Variants in HS6ST3 observed in about 807,000 individuals in gnomAD.
The protein encoded by HS6ST3 is heparan sulfate 6-O-sulfotransferase 3, also known as heparan-sulfate 6-O-sulfotransferase 3.
In HS6ST3, 12 loss-of-function variants were observed where a neutral mutation model predicts 36.7. That is an observed-to-expected ratio of 0.33 (90% CI 0.21 to 0.53). The LOEUF (loss-of-function observed/expected upper bound fraction) is 0.53, where lower values mean the gene tolerates loss of function less well. Ranked by LOEUF, HS6ST3 falls within the 20% of genes least tolerant of loss-of-function variation. HS6ST3 has a pLI of 0.95. For missense variants in HS6ST3, 584 were observed against 640.9 expected, an observed-to-expected ratio of 0.91 and a Z score of 0.96; for synonymous variants, 240 against 257.5, an observed-to-expected ratio of 0.93 and a Z score of 0.65.
chr13:96,216,595 A>G (rs1180635245), intron 1 of HS6ST3, among the ~76,000 whole-genome samples: 1 of 152,174 alleles, frequency 6.6e-6, no homozygotes, highest in Non-Finnish European at 1.5e-5. Context: ...GTGTCATCAT[A>G]TATACTTCAG....
Position 96,485,367 on chromosome 13 carries a change from T to G in HS6ST3, c.708-347123T>G, listed in dbSNP as rs59094506. Among the ~76,000 whole-genome samples the G allele has an allele frequency of 8.3e-3, 1,263 of 152,242 alleles. 20 individuals are homozygous for G. Among genetic ancestry groups the G allele is most frequent in the African/African-American group, 0.029 (1,219 of 41,558 alleles). On this transcript the variant is annotated intron_variant, in intron 1 of 1. Coordinates refer to ENST00000376705, the MANE Select transcript of HS6ST3 (RefSeq NM_153456.4). Reference sequence around the variant, plus strand: ...TGCTAAGGTAAATAGTATTGTGTTTTCAATGTCAAATTCCACTTGTTCCAT... The same window carrying G: ...TGCTAAGGTAAATAGTATTGTGTTTGCAATGTCAAATTCCACTTGTTCCAT...
chr13:96,656,955 T>C (rs868855136), intron 1 of HS6ST3, among the ~76,000 whole-genome samples: 1 of 122,244 alleles, frequency 8.2e-6, no homozygotes, highest in Non-Finnish European at 1.7e-5. Context: ...GGCTTTTCTT[T>C]TGTGTGTGTG....
At chr13:96,684,775 A>G (rs924909339) in intron 1 of HS6ST3, among the ~76,000 whole-genome samples, 3 of 152,050 alleles carry the variant, frequency 2.0e-5, no homozygotes, top group African/African-American at 7.2e-5. Context: ...GCTAATTACA[A>G]TGCACTTCAC....
intron 1 of HS6ST3, among the ~76,000 whole-genome samples, chr13:96,464,987 T>TGTGTGC (rs1555306470): frequency 6.7e-6 from 1 of 149,370 alleles, no homozygotes; most frequent in Non-Finnish European, 1.5e-5. Flanking sequence ...TGTGTGTGTG[T>TGTGTGC]GCATGCCCAC....
intron 1 of HS6ST3, among the ~76,000 whole-genome samples, chr13:96,112,806 A>G (rs1346490133): frequency 6.6e-6 from 1 of 151,484 alleles, no homozygotes; most frequent in Non-Finnish European, 1.5e-5. Context: ...AGTGAAGACA[A>G]CATAACTTAA....
At chr13:96,184,011 G>A (rs561196327) in intron 1 of HS6ST3, among the ~76,000 whole-genome samples, 12 of 151,912 alleles carry the variant, frequency 7.9e-5, no homozygotes, top group African/African-American at 2.7e-4. Flanking sequence ...GACCATCCTG[G>A]CCAACATGGT....
At chr13:96,670,360 T>C (rs1191546344) in intron 1 of HS6ST3, among the ~76,000 whole-genome samples, 1 of 152,094 alleles carries the variant, frequency 6.6e-6, no homozygotes, top group African/African-American at 2.4e-5. Context: ...AAAGCAGGGC[T>C]AGTGAATATA....
chr13:96,443,426 A>G (rs1306277294), intron 1 of HS6ST3, among the ~76,000 whole-genome samples: 1 of 148,890 alleles, frequency 6.7e-6, no homozygotes, highest in Non-Finnish European at 1.5e-5. Context: ...GCTACTCGGG[A>G]GGCTCAGGCA....
At chr13:96,362,574 G>A (rs1203630271) in intron 1 of HS6ST3, among the ~76,000 whole-genome samples, 1 of 152,178 alleles carries the variant, frequency 6.6e-6, no homozygotes, top group Admixed American at 6.5e-5. Flanking sequence ...GTGCCTTGCT[G>A]TGTGAATCTC....
intron 1 of HS6ST3, among the ~76,000 whole-genome samples, chr13:96,097,136 T>C (rs1417568346): frequency 6.6e-6 from 1 of 152,154 alleles, no homozygotes; most frequent in East Asian, 1.9e-4. Context: ...AAGTGGTAAA[T>C]GGTAATAGAT....
chr13:96,142,273 G>A (rs2054035798), intron 1 of HS6ST3, among the ~76,000 whole-genome samples: 1 of 152,068 alleles, frequency 6.6e-6, no homozygotes, highest in Non-Finnish European at 1.5e-5. Flanking sequence ...ACAAAACAAA[G>A]TATTCTCTAA....
At chr13:96,453,665 C>T (rs1030632936) in intron 1 of HS6ST3, among the ~76,000 whole-genome samples, 1 of 152,126 alleles carries the variant, frequency 6.6e-6, no homozygotes, top group African/African-American at 2.4e-5. Context: ...ATTGAAGCTA[C>T]AAGCCATTTT....
At chr13:96,165,610 G>C (rs2054156592) in intron 1 of HS6ST3, among the ~76,000 whole-genome samples, 1 of 152,234 alleles carries the variant, frequency 6.6e-6, no homozygotes, top group South Asian at 2.1e-4. Context: ...AGCTGTGGCT[G>C]TGCTTCTGTT....
chr13:96,300,815 A>G (rs1409050518), intron 1 of HS6ST3, among the ~76,000 whole-genome samples: 1 of 152,202 alleles, frequency 6.6e-6, no homozygotes, highest in African/African-American at 2.4e-5. Context: ...ATTTACTTTG[A>G]AAGATGTTTA....
intron 1 of HS6ST3, among the ~76,000 whole-genome samples, chr13:96,735,310 G>A (rs1267921400): frequency 6.6e-6 from 1 of 152,040 alleles, no homozygotes; most frequent in Non-Finnish European, 1.5e-5. Flanking sequence ...GTTTTGCATG[G>A]GGATTCTGGG....
rs59680001 is a variant in HS6ST3 at position 96,504,015 on chromosome 13, C to T, written c.708-328475C>T. ...TCTCTCCTGTTTCTTCTTATAAGGA[C>T]ACTAATCCCATCTATGAGGGCTCCA... On this transcript the variant is annotated intron_variant, in intron 1 of 1. Transcript: ENST00000376705. 6.9e-3 allele frequency among the ~76,000 whole-genome samples: 1,045 copies of T among 152,234 alleles called. 15 individuals carry two copies. The highest frequency in any genetic ancestry group is 0.022 in the African/African-American group (926 of 41,544).
intron 1 of HS6ST3, among the ~76,000 whole-genome samples, chr13:96,570,039 C>T (rs1434726625): frequency 6.6e-6 from 1 of 152,154 alleles, no homozygotes; most frequent in Non-Finnish European, 1.5e-5. Flanking sequence ...AAAACTGAGA[C>T]ATTATTATTT....
Position 96,547,102 on chromosome 13 carries a change from T to C in HS6ST3, c.708-285388T>C, listed in dbSNP as rs528536532. On this transcript the variant is annotated intron_variant, in intron 1 of 1. Coordinates refer to ENST00000376705, the MANE Select transcript of HS6ST3 (RefSeq NM_153456.4). ...CCCTGGCAACAGTTGGGCTGTCTTATGCGAGTAAGTTGGTGAAAGCTAATA... is the reference window on the plus strand; with the variant it reads ...CCCTGGCAACAGTTGGGCTGTCTTACGCGAGTAAGTTGGTGAAAGCTAATA... 3.9e-5 allele frequency among the ~76,000 whole-genome samples: 6 copies of C among 152,322 alleles called. No homozygotes were observed. In the East Asian group the frequency reaches 1.2e-3, roughly 29 times the overall value.
intron 1 of HS6ST3, among the ~76,000 whole-genome samples, chr13:96,199,105 T>C (rs1271881125): frequency 6.6e-6 from 1 of 152,148 alleles, no homozygotes. Flanking sequence ...TTCACTGTCA[T>C]GAGAATAGCG....
Sources: allele counts gnomAD v4.1 joint callset (sites outside exome capture counted in the v4.1 genomes callset), GRCh38; gene constraint gnomAD v4.1.1; transcripts MANE v1.5; gene names NCBI Gene and HGNC (gene_info 2026-07-23, HGNC 2026-07-21).